The following PARP1 variants were observed in gnomAD, a reference collection of about 807,000 sequenced individuals.
The protein encoded by PARP1 is poly [ADP-ribose] polymerase 1.
A neutral mutation model predicts 118.7 loss-of-function variants in PARP1; 44 were observed. That is an observed-to-expected ratio of 0.37 (90% CI 0.29 to 0.48). The LOEUF is 0.48. Among genes scored for constraint, PARP1 ranks in the 20% least tolerant of loss-of-function variants. The probability of loss-of-function intolerance (pLI) is 0.99; values close to 1 mark genes in which losing one functional copy is unlikely to be tolerated. For missense variants in PARP1, 1,100 were observed against 1,272.4 expected, an observed-to-expected ratio of 0.86 and a Z score of 2.06; for synonymous variants, 492 against 483.2, an observed-to-expected ratio of 1.02 and a Z score of -0.24.
chr1:226,406,937 G>A (rs866083028), intron 1 of PARP1, among the ~76,000 whole-genome samples: 1 of 152,172 alleles, frequency 6.6e-6, no homozygotes, highest in African/African-American at 2.4e-5. Context: ...TTGACCATGA[G>A]CACTAAGCTT....
rs373006854 is a variant in PARP1, at chr1:226,368,256, G to T, written c.2220C>A (p.Ile740=). 6.2e-7 allele frequency: 1 copy of T among 1,614,216 alleles called. No homozygotes were observed. Among genetic ancestry groups the T allele is most frequent in the Non-Finnish European group, 8.5e-7 (1 of 1,180,026 alleles). The change falls in exon 16 of 23, where the codon ATC becomes ATA. Residue 740 remains isoleucine (I), a synonymous_variant. Coordinates refer to ENST00000366794, the MANE Select transcript of PARP1 (RefSeq NM_001618.4). ...GCTTCTTCATCCCAAAGTCGTGGGG[G>T]ATCAGGGTGTAAAAGCGATTTGAGA... ...LDLSNRFYTL[I]PHDFGMKKPP...
chr1:226,371,279 C>T (rs548619195), intron 14 of PARP1, among the ~76,000 whole-genome samples: 4 of 152,320 alleles, frequency 2.6e-5, no homozygotes, highest in African/African-American at 7.2e-5. Flanking sequence ...CCTGAGACAT[C>T]GTCTCTGGGG....
chr1:226,363,122 G>A lies in PARP1; in HGVS notation c.2825C>T (p.Pro942Leu). The A allele has an allele frequency of 2.5e-6, 4 of 1,613,724 alleles. No individual in the cohort carries two copies. Among genetic ancestry groups the A allele is most frequent in the Non-Finnish European group, 3.4e-6 (4 of 1,179,668 alleles). The change falls in exon 21 of 23, where the codon CCC (proline) becomes CTC (leucine). Residue 942 changes from proline to leucine, a missense_variant. By Grantham distance (98) the Pro-to-Leu change is moderately conservative (BLOSUM62 -3). This residue lies in a region of PARP1 where 152 missense variants were observed against 240.6 expected (regional missense o/e 0.63). Coordinates refer to ENST00000366794, the MANE Select transcript of PARP1 (RefSeq NM_001618.4). Reference protein sequence around the residue: ...LKHASHISKLPKGKHSVKGLG... With the variant: ...LKHASHISKLLKGKHSVKGLG... ...ACCTTTGACACTGTGCTTGCCCTTG[G>A]GTAACTTGCTGATATGTGAAGCGTG...
At chr1:226,381,039 C>A (rs928821325) in intron 9 of PARP1, 29 bp downstream of exon 9, 5 of 1,613,214 alleles carry the variant, frequency 3.1e-6, no homozygotes, top group Non-Finnish European at 4.2e-6. Flanking sequence ...AAGCATTGTC[C>A]CTGTTGCACA....
At chr1:226,398,567 G>C (rs1186562460) in intron 2 of PARP1, among the ~76,000 whole-genome samples, 2 of 148,188 alleles carry the variant, frequency 1.3e-5, no homozygotes, top group South Asian at 2.1e-4. Context: ...GCAGGCAAAA[G>C]ACATTTCACC....
At chr1:226,364,757 G>C (rs1664219941) in intron 19 of PARP1, among the ~76,000 whole-genome samples, 1 of 152,256 alleles carries the variant, frequency 6.6e-6, no homozygotes, top group Non-Finnish European at 1.5e-5. Context: ...TCTGTTCTTT[G>C]CTTGTCAACA....
intron 16 of PARP1, among the ~76,000 whole-genome samples, 159 bp from the exon 17 acceptor site, chr1:226,367,767 A>G (rs1664300623): frequency 6.6e-6 from 1 of 152,218 alleles, no homozygotes; most frequent in Non-Finnish European, 1.5e-5. Flanking sequence ...GCACATATTG[A>G]GAGCTCATAA....
intron 22 of PARP1, 84 bp from the exon 23 acceptor site, chr1:226,361,625 G>T: frequency 2.0e-6 from 2 of 993,522 alleles, no homozygotes; most frequent in Non-Finnish European, 3.2e-6. Context: ...CTGGCAGGAC[G>T]CTCAGTGCCA....
At chr1:226,362,278 C>T (rs914760802) in intron 21 of PARP1, 195 bp from the exon 22 acceptor site, 11 of 540,048 alleles carry the variant, frequency 2.0e-5, no homozygotes, top group Admixed American at 1.2e-4. Flanking sequence ...CTCCGCCTCC[C>T]GGATTCAAGC....
intron 22 of PARP1, 23 bp from the exon 23 acceptor site, chr1:226,361,564 G>GCCAACAGC (rs1664139534): frequency 5.3e-6 from 8 of 1,511,872 alleles, no homozygotes; most frequent in Non-Finnish European, 7.4e-6. Context: ...TTGTTAAGGA[G>GCCAACAGC]CCAACAGCCA....
Position 226,402,351 on chromosome 1 carries a change from T to C in PARP1, c.149A>G (p.His50Arg), listed in dbSNP as rs1397984634. The change falls in exon 2 of 23, where the codon CAC becomes CGC. Residue 50 changes from histidine to arginine, a missense_variant. By Grantham distance (29) the His-to-Arg change is conservative. Transcript: ENST00000366794. ...CCAGAAGCAGGAGAAGTGGTACCAG[T>C]GTGGGACTTTTCCATCAAACATGGG... ...QSPMFDGKVP[H>R]WYHFSCFWKV... 37 of 1,613,642 alleles carry C rather than the reference T, an allele frequency of 2.3e-5. No homozygotes were observed. Among genetic ancestry groups the C allele is most frequent in the Non-Finnish European group, 3.1e-5 (36 of 1,180,038 alleles).
chr1:226,368,975 T>A lies in PARP1; in HGVS notation c.2155-654A>T, dbSNP rs3219117. Among the ~76,000 whole-genome samples the A allele has an allele frequency of 6.6e-3, 1,006 of 152,346 alleles. 13 individuals are homozygous for A. Among genetic ancestry groups the A allele is most frequent in the African/African-American group, 0.023 (955 of 41,586 alleles). Reference sequence around the variant, plus strand: ...TGACCACAGGAAGGTCAAGGGAATATGAAGTGGCACCCAGCAGGTCCGAAG... The same window carrying A: ...TGACCACAGGAAGGTCAAGGGAATAAGAAGTGGCACCCAGCAGGTCCGAAG... On this transcript the variant is annotated intron_variant, in intron 15 of 22. Transcript: ENST00000366794.
Position 226,386,335 on chromosome 1 carries a change from C to T in PARP1, c.825G>A (p.Gly275=). Residue 275 remains glycine, a synonymous_variant, in exon 6 of 23, where the codon GGG becomes GGA. Coordinates refer to ENST00000366794, the MANE Select transcript of PARP1 (RefSeq NM_001618.4). ...CACAAAGGCAGCTCACCGCCGACTC[C>T]CCAGAAGGCACTTGCTGCTTGTTGA... ...LIFNKQQVPS[G]ESAILDRVAD... is the part of the protein sequence containing the mutation. 6.2e-7 allele frequency: 1 copy of T among 1,607,200 alleles called. No individual in the cohort carries two copies.
In PARP1 at chr1:226,363,243, A is replaced by T. The variant is rs1231901924; in HGVS notation, c.2787-83T>A. ...AGTTTGATTAGGAGAATAAGATCAG[A>T]TACAGAGATGAGATAAAAGTCCACA... On this transcript the variant is annotated intron_variant, in intron 20 of 22. Coordinates refer to ENST00000366794, the MANE Select transcript of PARP1 (RefSeq NM_001618.4). 6 of 925,218 alleles carry T rather than the reference A, an allele frequency of 6.5e-6. No homozygotes were observed. The East Asian group carries it at 1.4e-4, about 22-fold the overall frequency. 57.3% of individuals were successfully genotyped at this position (925,218 alleles called of 1,614,324 possible). A position where few individuals can be genotyped will look rare whatever the true frequency, so the allele number is the denominator to read the frequency against.
At chr1:226,378,581 C>T (rs994074039) in intron 12 of PARP1, among the ~76,000 whole-genome samples, 1 of 152,198 alleles carries the variant, frequency 6.6e-6, no homozygotes, top group Admixed American at 6.5e-5. Context: ...GGTGCAGAGG[C>T]TCATGCCTGT....
intron 2 of PARP1, among the ~76,000 whole-genome samples, chr1:226,396,294 C>A (rs1356009551): frequency 1.3e-5 from 2 of 151,594 alleles, no homozygotes; most frequent in Non-Finnish European, 2.9e-5. Context: ...TGCAGTGAGC[C>A]ATGATTGCGC....
intron 5 of PARP1, among the ~76,000 whole-genome samples, chr1:226,387,641 G>C (rs936538109): frequency 2.0e-5 from 3 of 152,198 alleles, no homozygotes; most frequent in African/African-American, 7.2e-5. Flanking sequence ...AAAAGGTCTA[G>C]TGATACAGGG....
At chr1:226,396,353 T>A (rs762360633) in intron 2 of PARP1, among the ~76,000 whole-genome samples, 39 of 151,014 alleles carry the variant, frequency 2.6e-4, no homozygotes, top group South Asian at 4.2e-4. Context: ...CTCAAAAAAA[T>A]TTTTTTTTAA....
chr1:226,363,346 G>A (rs1398209619), intron 20 of PARP1, among the ~76,000 whole-genome samples, 186 bp from the exon 21 acceptor site: 3 of 152,174 alleles, frequency 2.0e-5, no homozygotes, highest in Admixed American at 2.0e-4. Context: ...TGCAGTTGCG[G>A]CTGAACATAG....
Sources: gnomAD v4.1 joint callset for allele counts (sites outside exome capture counted in the v4.1 genomes callset) on GRCh38, gnomAD v4.1.1 for gene constraint, gnomAD v4.1.1 regional missense constraint, MANE v1.5 for transcripts, NCBI Gene and HGNC (gene_info 2026-07-23, HGNC 2026-07-21) for gene names.